Variants in PLD5 observed in about 807,000 individuals in gnomAD.
PLD5 encodes inactive phospholipase D5.
A neutral mutation model predicts 61.1 loss-of-function variants in PLD5; 36 were observed. The observed-to-expected ratio is 0.59, with a 90% confidence interval of 0.45 to 0.78. The LOEUF is 0.78. Among genes scored for constraint, PLD5 ranks in the 30% least tolerant of loss-of-function variants. The pLI is 0.00. For missense variants in PLD5, 515 were observed against 644.4 expected (o/e 0.80, Z 2.17); for synonymous variants, 243 against 242.8 (o/e 1.00, Z -0.01).
intron 2 of PLD5, among the ~76,000 whole-genome samples, chr1:242,325,716 G>A (rs1339755628): frequency 2.0e-5 from 3 of 151,976 alleles, no homozygotes; most frequent in South Asian, 2.1e-4. Context: ...CCTGGACCTC[G>A]AGGGCTTTTT....
At position 242,485,009 on chromosome 1, in the gene PLD5, G is replaced by A. The variant is rs368047240; in HGVS notation, c.189+39079C>T. 6.3e-3 allele frequency among the ~76,000 whole-genome samples: 964 copies of A among 152,056 alleles called. 8 individuals are homozygous for A. The highest frequency in any genetic ancestry group is 0.022 in the African/African-American group (895 of 41,472). On this transcript the variant is annotated intron_variant, in intron 1 of 9. Transcript: ENST00000536534. ...AAAAGGCCTTTGACAAAATTCAACA[G>A]CCCTTCATGCTAAAAACTCTCAATA...
At chr1:242,123,892 G>C (rs1662578799) in intron 6 of PLD5, among the ~76,000 whole-genome samples, 1 of 152,134 alleles carries the variant, frequency 6.6e-6, no homozygotes, top group South Asian at 2.1e-4. Flanking sequence ...GTGGCTAATG[G>C]TTCTTAGCAG....
rs1669378624 is a variant in PLD5, at chr1:242,524,371, C to A, written c.-95G>T. 8.3e-7 allele frequency: 1 copy of A among 1,208,148 alleles called. No individual in the cohort carries two copies. Among genetic ancestry groups the A allele is most frequent in the Admixed American group, 4.1e-5 (1 of 24,588 alleles). 74.8% of individuals were successfully genotyped at this position (1,208,148 alleles called of 1,614,324 possible). On this transcript the variant is annotated 5_prime_UTR_variant, in exon 1 of 10. Coordinates refer to ENST00000536534, the MANE Select transcript of PLD5 (RefSeq NM_001372062.1). The stretch of plus-strand genomic sequence containing the variant: ...GGGCGAGCGGGAGGCCCAGCGGGAG[C>A]CGGAGGTGGAGCTGGAGACTGAGCT...
At chr1:242,170,564 T>C (rs549972996) in intron 5 of PLD5, among the ~76,000 whole-genome samples, 15 of 152,258 alleles carry the variant, frequency 9.9e-5, no homozygotes, top group African/African-American at 3.1e-4. Context: ...GTTTGATGAA[T>C]TGACATAAGT....
chr1:242,178,361 A>G (rs1667302788), intron 5 of PLD5: 2 of 152,122 alleles, frequency 1.3e-5, no homozygotes, highest in African/African-American at 4.8e-5. Context: ...AGTTATCACA[A>G]CTCAGTAAGT....
intron 1 of PLD5, chr1:242,377,549 T>C: frequency 1.8e-6 from 1 of 557,156 alleles, no homozygotes; most frequent in Non-Finnish European, 3.2e-6. Context: ...AGCAATACGA[T>C]TTCATACTCT....
intron 2 of PLD5, among the ~76,000 whole-genome samples, chr1:242,339,260 A>G (rs186805200): frequency 4.0e-3 from 612 of 152,310 alleles, no homozygotes; most frequent in Non-Finnish European, 5.0e-3. Flanking sequence ...TGGGGCACAG[A>G]GAGAGACAGA....
intron 5 of PLD5, among the ~76,000 whole-genome samples, chr1:242,150,842 C>T (rs1444570754): frequency 6.6e-6 from 1 of 151,736 alleles, no homozygotes. Context: ...TGAGGACTCT[C>T]TTCCATTTTT....
intron 1 of PLD5, among the ~76,000 whole-genome samples, chr1:242,437,888 C>T (rs1475706403): frequency 6.6e-6 from 1 of 152,164 alleles, no homozygotes; most frequent in Non-Finnish European, 1.5e-5. Context: ...TTGGCAGAGC[C>T]AAGTGCATGC....
At chr1:242,347,648 G>T (rs1451651691) in intron 2 of PLD5, among the ~76,000 whole-genome samples, 1 of 152,218 alleles carries the variant, frequency 6.6e-6, no homozygotes, top group African/African-American at 2.4e-5. Flanking sequence ...AACTGGGACA[G>T]GTCGAGGAGC....
intron 5 of PLD5, among the ~76,000 whole-genome samples, chr1:242,211,418 G>C (rs1482678151): frequency 6.6e-6 from 1 of 152,172 alleles, no homozygotes; most frequent in Non-Finnish European, 1.5e-5. Context: ...ACCAACCTTT[G>C]ATCATTTGTG....
intron 1 of PLD5, among the ~76,000 whole-genome samples, chr1:242,350,683 G>A (rs1660425208): frequency 6.6e-6 from 1 of 152,090 alleles, no homozygotes; most frequent in African/African-American, 2.4e-5. Flanking sequence ...CTGTGACCAG[G>A]CACTGTCAGC....
chr1:242,398,765 C>T (rs1056777356), intron 1 of PLD5, among the ~76,000 whole-genome samples: 3 of 152,142 alleles, frequency 2.0e-5, no homozygotes, highest in African/African-American at 7.2e-5. Flanking sequence ...AAGCCTTTTG[C>T]GAACTTCCAG....
At chr1:242,350,442 C>T (rs1364797973) in intron 1 of PLD5, among the ~76,000 whole-genome samples, 1 of 2,000 alleles carries the variant, frequency 5.0e-4, no homozygotes, top group Non-Finnish European at 5.2e-3. Flanking sequence ...CGTACACACA[C>T]ACACACACAC....
intron 1 of PLD5, among the ~76,000 whole-genome samples, chr1:242,349,229 C>T (rs1259811027): frequency 6.6e-6 from 1 of 152,118 alleles, no homozygotes; most frequent in Admixed American, 6.5e-5. Flanking sequence ...GTCTGAGTTA[C>T]TATAAGGGGT....
intron 2 of PLD5, among the ~76,000 whole-genome samples, chr1:242,289,756 T>C (rs1675250376): frequency 6.6e-6 from 1 of 152,204 alleles, no homozygotes; most frequent in African/African-American, 2.4e-5. Flanking sequence ...GCCAGAGATA[T>C]AATTAGGGCT....
intron 6 of PLD5, among the ~76,000 whole-genome samples, chr1:242,115,389 CT>C (rs1160611157): frequency 6.6e-6 from 1 of 152,066 alleles, no homozygotes; most frequent in Non-Finnish European, 1.5e-5. Context: ...ACTAACAAAT[CT>C]TTCCCCACCC....
At chr1:242,144,771 A>G (rs949818050) in intron 5 of PLD5, among the ~76,000 whole-genome samples, 2 of 152,130 alleles carry the variant, frequency 1.3e-5, no homozygotes, top group East Asian at 3.9e-4. Flanking sequence ...ACAGAGTGAA[A>G]CCCTGTCTCA....
At chr1:242,134,359 G>A (rs1347793364) in intron 5 of PLD5, among the ~76,000 whole-genome samples, 1 of 151,714 alleles carries the variant, frequency 6.6e-6, no homozygotes, top group African/African-American at 2.4e-5. Flanking sequence ...AAGCTGACTG[G>A]GGAAGACTGG....
Sources: gnomAD v4.1 joint callset for allele counts (sites outside exome capture counted in the v4.1 genomes callset) on GRCh38, gnomAD v4.1.1 for gene constraint, MANE v1.5 for transcripts, NCBI Gene and HGNC (gene_info 2026-07-23, HGNC 2026-07-21) for gene names.